The following ZFHX3 variants were observed in gnomAD, a reference collection of about 807,000 sequenced individuals.
ZFHX3 encodes the protein zinc finger homeobox protein 3.
Under a neutral mutation model 279.1 loss-of-function variants are expected in ZFHX3, and 42 were observed. That is an observed-to-expected ratio of 0.15 (90% CI 0.12 to 0.19). The LOEUF is 0.19. Among genes scored for constraint, ZFHX3 ranks in the 10% least tolerant of loss-of-function variants. The pLI is 1.00. For synonymous variants in ZFHX3, 2,293 were observed against 1,957.8 expected (o/e 1.17, Z -4.52); for missense variants, 4,981 against 4,754.0 (o/e 1.05, Z -1.40).
At chr16:73,175,237 G>A (rs1461684504) in intron 5 of ZFHX3, among the ~76,000 whole-genome samples, 4 of 151,816 alleles carry the variant, frequency 2.6e-5, no homozygotes, top group Admixed American at 6.6e-5. Context: ...AAAATTAGCT[G>A]GGCATAGTGG....
chr16:72,824,552 C>T (rs1235005581), intron 5 of ZFHX3, among the ~76,000 whole-genome samples: 1 of 152,162 alleles, frequency 6.6e-6, no homozygotes, highest in African/African-American at 2.4e-5. Context: ...TGCTTCCCCT[C>T]CAACCCGCAT....
intron 1 of ZFHX3, among the ~76,000 whole-genome samples, chr16:73,857,676 T>G (rs1327252576): frequency 1.3e-5 from 2 of 152,158 alleles, no homozygotes; most frequent in Non-Finnish European, 2.9e-5. Context: ...ATGCTGCACT[T>G]GCGCTAGGGT....
Position 73,839,333 on chromosome 16 carries a change from A to G in ZFHX3, c.-1608+52318T>C, listed in dbSNP as rs867997222. Among the ~76,000 whole-genome samples, 489 of 76,562 alleles carry G rather than the reference A, an allele frequency of 6.4e-3. 11 individuals are homozygous for G. The highest frequency in any genetic ancestry group is 0.032 in the African/African-American group (456 of 14,212). 50.2% of individuals were successfully genotyped at this position (76,562 alleles called of 152,430 possible). A position where few individuals can be genotyped will look rare whatever the true frequency, so the allele number is the denominator to read the frequency against. ...CAGAGCAAGACTCCATCTCAAAAAA[A>G]AAAAAAAAAAAAAAAAAAAAAAAAA... On this transcript the variant is annotated intron_variant, in intron 1 of 17. Transcript: ENST00000641206.
intron 1 of ZFHX3, among the ~76,000 whole-genome samples, chr16:73,867,527 A>G (rs1962056748): frequency 6.6e-6 from 1 of 152,178 alleles, no homozygotes; most frequent in African/African-American, 2.4e-5. Flanking sequence ...TTTCTCCCCG[A>G]TATTTTAGGC....
At chr16:73,877,911 T>G (rs1013564239) in intron 1 of ZFHX3, among the ~76,000 whole-genome samples, 1 of 152,000 alleles carries the variant, frequency 6.6e-6, no homozygotes, top group Admixed American at 6.6e-5. Flanking sequence ...GAAAATCCAT[T>G]TTGATTCTAA....
intron 1 of ZFHX3, among the ~76,000 whole-genome samples, chr16:73,026,693 A>AAC (rs1964521871): frequency 1.4e-5 from 2 of 144,642 alleles, no homozygotes; most frequent in Non-Finnish European, 3.0e-5. Flanking sequence ...AAAAAAAAAA[A>AAC]AACACATAGT....
intron 1 of ZFHX3, among the ~76,000 whole-genome samples, chr16:73,746,198 C>CTAA (rs2053701881): frequency 6.6e-6 from 1 of 152,060 alleles, no homozygotes; most frequent in Admixed American, 6.6e-5. Context: ...GCTCCACAGT[C>CTAA]TAATAAACTT....
chr16:73,820,614 C>T (rs1032825177), intron 1 of ZFHX3, among the ~76,000 whole-genome samples: 1 of 152,050 alleles, frequency 6.6e-6, no homozygotes, highest in African/African-American at 2.4e-5. Flanking sequence ...CAGCCAACAT[C>T]TGAATGTAAC....
At chr16:73,683,116 TTTA>T (rs1290696448) in intron 1 of ZFHX3, among the ~76,000 whole-genome samples, 1 of 152,226 alleles carries the variant, frequency 6.6e-6, no homozygotes, top group Admixed American at 6.5e-5. Flanking sequence ...ACACATGCCT[TTTA>T]TTATACTTTT....
chr16:73,331,427 C>T (rs566023110), intron 3 of ZFHX3, among the ~76,000 whole-genome samples: 65 of 152,318 alleles, frequency 4.3e-4, no homozygotes, highest in African/African-American at 1.5e-3. Context: ...AATGTGTTAA[C>T]TATTCCTCAA....
At chr16:72,943,746 G>A (rs367952861) in intron 3 of ZFHX3, among the ~76,000 whole-genome samples, 226 of 152,252 alleles carry the variant, frequency 1.5e-3, no homozygotes, top group African/African-American at 5.3e-3. Context: ...AGGCCACTGG[G>A]AAGTGCTGCA....
rs562679265 is a variant in ZFHX3 at position 73,650,740 on chromosome 16, C to A, written c.-1547+29440G>T. 3.9e-5 allele frequency among the ~76,000 whole-genome samples: 6 copies of A among 152,220 alleles called. No homozygotes were observed. In the South Asian group the frequency reaches 1.2e-3, roughly 32 times the overall value. ...GGTGACAAATTCAATTTAGGGTGGT[C>A]TTGAAGGTACTTCTCTTAGGTGCCT... On this transcript the variant is annotated intron_variant, in intron 2 of 17. Transcript: ENST00000641206.
rs571411979 is a variant in ZFHX3 at position 73,245,272 on chromosome 16, T to C, written c.-1104+11775A>G. On this transcript the variant is annotated intron_variant, in intron 5 of 17. Coordinates refer to the ZFHX3 transcript ENST00000641206. ...TTCACATCCCCACTTTTCTGTTTTT[T>C]TGTTTGTTTCTTTGTTTAATACAGT... is the stretch of plus-strand genomic sequence containing the variant. 5.3e-5 allele frequency among the ~76,000 whole-genome samples: 8 copies of C among 152,346 alleles called. No individual in the cohort carries two copies. In the East Asian group the frequency reaches 1.3e-3, roughly 26 times the overall value.
Position 73,597,505 on chromosome 16 carries a change from G to T in ZFHX3, c.-1547+82675C>A, listed in dbSNP as rs183516798. Among the ~76,000 whole-genome samples the T allele has an allele frequency of 2.6e-5, 4 of 152,144 alleles. No homozygotes were observed. The East Asian group carries it at 7.7e-4, about 29-fold the overall frequency. ...ATTTGACAATAGGGACTTTGAAGAC[G>T]TAATTAGTTAAGATGAGAACATATG... On this transcript the variant is annotated intron_variant, in intron 2 of 17. Transcript: ENST00000641206.
At chr16:73,030,635 G>C (rs530798819) in intron 1 of ZFHX3, among the ~76,000 whole-genome samples, 1 of 146,726 alleles carries the variant, frequency 6.8e-6, no homozygotes, top group East Asian at 2.0e-4. Flanking sequence ...GAAGGGAAAA[G>C]AGAAAAAAAA....
intron 4 of ZFHX3, among the ~76,000 whole-genome samples, chr16:72,854,915 A>G (rs2037714360): frequency 8.8e-6 from 1 of 113,338 alleles, no homozygotes; most frequent in Non-Finnish European, 1.7e-5. Context: ...TAGGAAATAG[A>G]AATTAAAACA....
chr16:73,579,556 C>A (rs2051835543), intron 2 of ZFHX3, among the ~76,000 whole-genome samples: 1 of 150,126 alleles, frequency 6.7e-6, no homozygotes. Flanking sequence ...GGCTGGAGTG[C>A]AGTGGCGTGA....
At chr16:73,374,819 G>T (rs1018137646) in intron 3 of ZFHX3, among the ~76,000 whole-genome samples, 5 of 152,268 alleles carry the variant, frequency 3.3e-5, no homozygotes, top group Non-Finnish European at 7.4e-5. Context: ...TTCTTATGGT[G>T]GTGTTTACAT....
chr16:73,156,870 C>T (rs560556504), intron 5 of ZFHX3, among the ~76,000 whole-genome samples: 13 of 152,244 alleles, frequency 8.5e-5, no homozygotes, highest in African/African-American at 2.6e-4. Context: ...CGTGCCGCCA[C>T]GCCCAGCTAA....
Sources: allele counts gnomAD v4.1 joint callset (sites outside exome capture counted in the v4.1 genomes callset), GRCh38; gene constraint gnomAD v4.1.1; transcripts MANE v1.5; gene names NCBI Gene and HGNC (gene_info 2026-07-23, HGNC 2026-07-21).